The following TLE2 variants were observed in gnomAD, a reference collection of about 807,000 sequenced individuals.
TLE2 encodes the protein TLE family member 2, transcriptional corepressor, also known as transducin-like enhancer protein 2.
TLE2 carries 74 observed loss-of-function variants against 97.2 expected under a neutral mutation model. The observed-to-expected ratio is 0.76, with a 90% CI of 0.63 to 0.92. The LOEUF (loss-of-function observed/expected upper bound fraction) is 0.92, where lower values mean the gene tolerates loss of function less well. Among genes scored for constraint, TLE2 ranks in the 40% least tolerant of loss-of-function variants. The pLI is 0.00. For synonymous variants in TLE2, 499 were observed against 432.1 expected, an observed-to-expected ratio of 1.15 and a Z score of -1.92; for missense variants, 1,038 against 1,008.7, an observed-to-expected ratio of 1.03 and a Z score of -0.39.
Position 3,021,359 on chromosome 19 carries a change from C to T in TLE2, c.295-1586G>A, listed in dbSNP as rs190394821. Among the ~76,000 whole-genome samples the T allele has an allele frequency of 1.7e-3, 258 of 150,534 alleles. 1 individual carries two copies. Among genetic ancestry groups the T allele is most frequent in the African/African-American group, 6.0e-3 (247 of 41,058 alleles). ...GTTAGAGATTGCAGTGAGCCAAGAT[C>T]GTGCCATGCACTCCCGCCTGGGTGA... is the stretch of plus-strand genomic sequence containing the variant. On this transcript the variant is annotated intron_variant, in intron 5 of 19. Coordinates refer to ENST00000262953, the MANE Select transcript of TLE2 (RefSeq NM_003260.5).
intron 1 of TLE2, among the ~76,000 whole-genome samples, chr19:3,040,156 C>A (rs306048): frequency 0.55 from 83,316 of 151,626 alleles, 24,038 homozygotes; most frequent in African/African-American, 0.74. Flanking sequence ...CCTCTGTACC[C>A]AGTTGGGGGT....
chr19:3,010,399 C>G lies in TLE2; in HGVS notation c.1012+623G>C, dbSNP rs183632128. Among the ~76,000 whole-genome samples the G allele has an allele frequency of 2.3e-3, 354 of 151,876 alleles. 3 individuals are homozygous for G. Among genetic ancestry groups the G allele is most frequent in the African/African-American group, 7.9e-3 (327 of 41,436 alleles). On this transcript the variant is annotated intron_variant, in intron 12 of 19. Coordinates refer to ENST00000262953, the MANE Select transcript of TLE2 (RefSeq NM_003260.5). ...GGAAAAAAAAAAACAAAACCCAGGC[C>G]CAATGTCCATTAACATCTCAGAAAC...
intron 19 of TLE2, among the ~76,000 whole-genome samples, chr19:2,999,212 G>C (rs1258201398): frequency 6.6e-6 from 1 of 152,028 alleles, no homozygotes; most frequent in Non-Finnish European, 1.5e-5. Flanking sequence ...AACTCAGGAG[G>C]TGGAGGCTGC....
intron 4 of TLE2, 146 bp from the exon 5 acceptor site, chr19:3,025,228 G>A (rs2089922035): frequency 9.3e-7 from 1 of 1,080,680 alleles, no homozygotes; most frequent in South Asian, 1.8e-5. Context: ...AGGCTAGCAT[G>A]GCATGGGCCG....
chr19:3,019,729 G>A lies in TLE2; in HGVS notation c.339C>T (p.Val113=). 1.2e-6 allele frequency: 2 copies of A among 1,612,892 alleles called. No individual in the cohort carries two copies. Among genetic ancestry groups the A allele is most frequent in the South Asian group, 1.1e-5 (1 of 90,770 alleles). ...TGAGGCTGTTCAGCTCCCCCACGGTGACCTGCTTGGCGCGTTCTACGGCCT... is the reference window on the plus strand; with the variant it reads ...TGAGGCTGTTCAGCTCCCCCACGGTAACCTGCTTGGCGCGTTCTACGGCCT... ...VLQAVERAKQ[V]TVGELNSLIG... The change falls in exon 6 of 20, where the codon GTC becomes GTT. Residue 113 remains valine, a synonymous_variant. Transcript: ENST00000262953. This position sits in a 1 kb window ranked among gnomAD's most constrained non-coding sequence, Gnocchi z 5.1.
At position 3,025,067 on chromosome 19, in the gene TLE2, G is replaced by T. The variant is rs748307178; in HGVS notation, c.247C>A (p.Arg83Ser). The T allele has an allele frequency of 1.2e-6, 2 of 1,604,028 alleles. No individual in the cohort carries two copies. Among genetic ancestry groups the T allele is most frequent in the Non-Finnish European group, 8.5e-7 (1 of 1,175,648 alleles). Residue 83 changes from arginine to serine, a missense_variant, in exon 5 of 20, where the codon CGT becomes AGT. Coordinates refer to ENST00000262953, the MANE Select transcript of TLE2 (RefSeq NM_003260.5). ...EMHKQAEIVK[R>S]LSGICAQIIP... is the part of the protein sequence containing the mutation. Reference sequence around the variant, plus strand: ...ATCTGAGCGCAGATACCGCTCAGACGCTTCACAATCTCCGCCTGGCAGGAA... The same window carrying T: ...ATCTGAGCGCAGATACCGCTCAGACTCTTCACAATCTCCGCCTGGCAGGAA...
chr19:3,000,960 G>A (rs1257445817), intron 18 of TLE2, among the ~76,000 whole-genome samples: 1 of 151,570 alleles, frequency 6.6e-6, no homozygotes, highest in Non-Finnish European at 1.5e-5. Flanking sequence ...CCACAGGTGT[G>A]CACCACCACG....
upstream of TLE2, among the ~76,000 whole-genome samples, chr19:3,030,169 A>ACGGGAAT (rs2090011717): frequency 1.3e-5 from 2 of 152,104 alleles, no homozygotes; most frequent in African/African-American, 4.8e-5. Flanking sequence ...ACTTCCACAG[A>ACGGGAAT]TGGGAATTGT....
rs1374212130 is a variant in TLE2 at position 3,015,738 on chromosome 19, T to C, written c.593A>G (p.Glu198Gly). ...PSRSASPSPPESLVEEERPSG... is the reference protein window; with the variant it reads ...PSRSASPSPPGSLVEEERPSG... ...CGGTCGCTCCTCCTCCACGAGACTC[T>C]CAGGGGGCGAGGGAGATGCACTCTG... is the stretch of plus-strand genomic sequence containing the variant. The change falls in exon 9 of 20, where the codon GAG (glutamate) becomes GGG (glycine). Residue 198 changes from glutamate to glycine, a missense_variant. Physicochemically the swap from Glu to Gly is moderately conservative, Grantham distance 98 (BLOSUM62 -2). Coordinates refer to ENST00000262953, the MANE Select transcript of TLE2 (RefSeq NM_003260.5). The C allele has an allele frequency of 6.2e-7, 1 of 1,610,260 alleles. No individual in the cohort carries two copies. Among genetic ancestry groups the C allele is most frequent in the South Asian group, 1.1e-5 (1 of 90,384 alleles).
At chr19:3,024,297 C>A (rs1442863942) in intron 5 of TLE2, among the ~76,000 whole-genome samples, 1 of 152,024 alleles carries the variant, frequency 6.6e-6, no homozygotes, top group African/African-American at 2.4e-5. Context: ...GGAGCCACCG[C>A]ACCTGGCCGA....
At chr19:3,000,503 G>A (rs1277602250) in intron 19 of TLE2, 144 bp downstream of exon 19, 20 of 654,422 alleles carry the variant, frequency 3.1e-5, no homozygotes, top group East Asian at 1.7e-4. Flanking sequence ...GTACCTGGGC[G>A]GTAGGGAGGC....
At chr19:3,009,492 C>T (rs1467446368) in intron 13 of TLE2, 50 bp downstream of exon 13, 3 of 1,531,988 alleles carry the variant, frequency 2.0e-6, no homozygotes, top group African/African-American at 2.8e-5. Flanking sequence ...TCCCGGCCCC[C>T]AGCCCCTGGG....
rs781489743 is a variant in TLE2 at position 3,006,574 on chromosome 19, C to T, written c.1346G>A (p.Arg449Gln). The change falls in exon 15 of 20, where the codon CGG becomes CAG. Residue 449 changes from arginine to glutamine, a missense_variant. By Grantham distance (43) the Arg-to-Gln change is conservative. Transcript: ENST00000262953. ...GCCATGGGCCAGCGTGTGCAGCTGC[C>T]GGGCGTGCCGCGGGATGCCCGCGCC... ...LVGAGIPRHA[R>Q]QLHTLAHGEV... The T allele has an allele frequency of 1.4e-5, 22 of 1,603,234 alleles. No homozygotes were observed. Among genetic ancestry groups the T allele is most frequent in the Middle Eastern group, 1.7e-4 (1 of 5,792 alleles).
chr19:3,005,576 T>C lies in TLE2; in HGVS notation c.1757A>G (p.Gln586Arg). 1 of 1,612,996 alleles carries C rather than the reference T, an allele frequency of 6.2e-7. No individual in the cohort carries two copies. The highest frequency in any genetic ancestry group is 8.5e-7 in the Non-Finnish European group (1 of 1,179,532). The change falls in exon 17 of 20, where the codon CAG becomes CGG. Residue 586 changes from glutamine (Q) to arginine (R), a missense_variant. Transcript: ENST00000262953. ...LQNQTMVRQF[Q>R]GHTDGASCID... Reference sequence around the variant, plus strand: ...GCAGCTGGCGCCGTCCGTGTGGCCCTGGAACTGCCTGGAGGGAGAAGGGCC... The same window carrying C: ...GCAGCTGGCGCCGTCCGTGTGGCCCCGGAACTGCCTGGAGGGAGAAGGGCC...
At chr19:3,007,398 A>AT (rs1443670282) in intron 14 of TLE2, among the ~76,000 whole-genome samples, 1 of 152,026 alleles carries the variant, frequency 6.6e-6, no homozygotes, top group Non-Finnish European at 1.5e-5. Context: ...CCTCTGATGC[A>AT]TTTTTTAAAG....
intron 16 of TLE2, 48 bp downstream of exon 16, chr19:3,005,673 G>A (rs1406469055): frequency 5.0e-6 from 8 of 1,607,028 alleles, no homozygotes; most frequent in African/African-American, 4.0e-5. Context: ...CCCCTGCACC[G>A]AGAGCGGCCG....
chr19:3,024,926 G>C (rs1359703961), intron 5 of TLE2, 94 bp downstream of exon 5: 6 of 1,110,182 alleles, frequency 5.4e-6, no homozygotes, highest in Non-Finnish European at 7.8e-6. Context: ...CTACGCGGCA[G>C]AATCAGTGCC....
At chr19:3,041,007 ATATATATTTTTTTTTT>A (rs2090097281) in intron 1 of TLE2, among the ~76,000 whole-genome samples, 1 of 34,928 alleles carries the variant, frequency 2.9e-5, no homozygotes, top group Non-Finnish European at 4.9e-5. Flanking sequence ...ATATATATAT[ATATATATTTTTTTTTT>A]TTTTTTTTTT....
intron 18 of TLE2, 97 bp from the exon 19 acceptor site, chr19:3,000,820 C>T: frequency 1.4e-6 from 1 of 706,146 alleles, no homozygotes. Flanking sequence ...GGTCTGGCCT[C>T]TCCCTTTTTT....
Sources: allele counts gnomAD v4.1 joint callset (sites outside exome capture counted in the v4.1 genomes callset), GRCh38; gene constraint gnomAD v4.1.1; non-coding constraint Gnocchi (gnomAD v3.1); transcripts MANE v1.5; gene names NCBI Gene and HGNC (gene_info 2026-07-23, HGNC 2026-07-21).